Variants in TINAG observed in about 807,000 individuals in gnomAD.
The protein encoded by TINAG is tubulointerstitial nephritis antigen.
In TINAG, 83 loss-of-function variants were observed where a neutral mutation model predicts 72.7. The observed-to-expected ratio is 1.14, with a 90% CI of 0.96 to 1.37. TINAG has a LOEUF of 1.37. TINAG is among the 40% of genes most tolerant of loss of function. The pLI, the probability that TINAG is intolerant of heterozygous loss-of-function variation, is 0.00. For missense variants in TINAG, 685 were observed against 576.6 expected (o/e 1.19, Z -1.93); for synonymous variants, 234 against 189.9 (o/e 1.23, Z -1.91).
chr6:54,359,140 C>T (rs2150965866), intron 9 of TINAG, among the ~76,000 whole-genome samples: 1 of 151,854 alleles, frequency 6.6e-6, no homozygotes, highest in East Asian at 1.9e-4. Context: ...AAAATTCATT[C>T]CATTTTATTG....
In TINAG at chr6:54,347,459, C is replaced by G. The variant is rs771773176; in HGVS notation, c.841C>G (p.Arg281Gly). 5 of 1,613,078 alleles carry G rather than the reference C, an allele frequency of 3.1e-6. No homozygotes were observed. Among genetic ancestry groups the G allele is most frequent in the Non-Finnish European group, 4.2e-6 (5 of 1,179,546 alleles). Residue 281 changes from arginine (R) to glycine (G), a missense_variant, in exon 6 of 11, where the codon CGT becomes GGT. Transcript: ENST00000259782. ...TTTGATCTCTTGCTGTGCCAAGAAC[C>G]GTCATGGATGCAATAGTGGAAGCAT... Reference protein sequence around the residue: ...QNLISCCAKNRHGCNSGSIDR... With the variant: ...QNLISCCAKNGHGCNSGSIDR...
intron 9 of TINAG, among the ~76,000 whole-genome samples, chr6:54,374,565 A>T (rs1297605184): frequency 6.6e-6 from 1 of 152,124 alleles, no homozygotes; most frequent in Non-Finnish European, 1.5e-5. Context: ...TCTCAGGTAG[A>T]ACATGTATAA....
intron 4 of TINAG, among the ~76,000 whole-genome samples, chr6:54,331,169 G>A (rs1448995775): frequency 2.0e-5 from 3 of 152,092 alleles, no homozygotes; most frequent in Non-Finnish European, 4.4e-5. Context: ...AAAAATTTCA[G>A]GGCAATATCC....
chr6:54,358,489 GT>G (rs1763126707), intron 9 of TINAG, among the ~76,000 whole-genome samples: 1 of 145,402 alleles, frequency 6.9e-6, no homozygotes, highest in Non-Finnish European at 1.5e-5. Flanking sequence ...GTCTGCACTA[GT>G]TTTCCTTTGC....
intron 10 of TINAG, among the ~76,000 whole-genome samples, chr6:54,381,088 A>G (rs1316482072): frequency 6.7e-6 from 1 of 148,780 alleles, no homozygotes; most frequent in Admixed American, 6.7e-5. Flanking sequence ...CCTATAGGAT[A>G]TAACCGATAG....
chr6:54,334,717 T>C (rs1784819726), intron 4 of TINAG, among the ~76,000 whole-genome samples: 2 of 152,178 alleles, frequency 1.3e-5, no homozygotes, highest in African/African-American at 4.8e-5. Context: ...AGTTCCTGAA[T>C]TGGCCAATGC....
chr6:54,324,251 C>G (rs1044673083), intron 3 of TINAG, among the ~76,000 whole-genome samples: 1 of 152,148 alleles, frequency 6.6e-6, no homozygotes, highest in African/African-American at 2.4e-5. Context: ...TTTTGCTGCT[C>G]TCTTTTGGAA....
chr6:54,308,843 A>G lies in TINAG; in HGVS notation c.293A>G (p.Tyr98Cys), dbSNP rs745936450. Residue 98 changes from tyrosine (Y) to cysteine (C), a missense_variant, in exon 1 of 11, where the codon TAC (tyrosine) becomes TGC (cysteine). Coordinates refer to ENST00000259782, the MANE Select transcript of TINAG (RefSeq NM_014464.4). ...GAAAATTCTGATTGCTGTCCTGACT[A>G]CAAGTCCTTTTGCCGTGAAGAGAAA... ...DRENSDCCPD[Y>C]KSFCREEKEW... 1.9e-6 allele frequency: 3 copies of G among 1,613,774 alleles called. No homozygotes were observed. The highest frequency in any genetic ancestry group is 2.5e-6 in the Non-Finnish European group (3 of 1,179,870).
intron 1 of TINAG, among the ~76,000 whole-genome samples, chr6:54,312,789 G>C (rs565214395): frequency 2.9e-4 from 44 of 152,254 alleles, no homozygotes; most frequent in African/African-American, 8.4e-4. Flanking sequence ...ACAATTCTGC[G>C]TGCAAGGTCT....
Position 54,324,417 on chromosome 6 carries a change from G to T in TINAG, c.510-2385G>T, listed in dbSNP as rs149533389. Among the ~76,000 whole-genome samples, 180 of 152,284 alleles carry T rather than the reference G, an allele frequency of 1.2e-3. 1 individual carries two copies. The highest frequency in any genetic ancestry group is 3.9e-3 in the African/African-American group (161 of 41,566). On this transcript the variant is annotated intron_variant, in intron 3 of 10. Coordinates refer to ENST00000259782, the MANE Select transcript of TINAG (RefSeq NM_014464.4). The stretch of plus-strand genomic sequence containing the variant: ...TAATTATTATTCTAATGGGGCATAC[G>T]TGGAAGTTGCCCCAGTCCTCCCTTA...
chr6:54,389,994 A>G lies in TINAG; in HGVS notation c.*69A>G, dbSNP rs985246348. The G allele has an allele frequency of 5.7e-6, 9 of 1,566,204 alleles. No individual in the cohort carries two copies. The highest frequency in any genetic ancestry group is 6.0e-6 in the Non-Finnish European group (7 of 1,158,392). On this transcript the variant is annotated 3_prime_UTR_variant, in exon 11 of 11. Transcript: ENST00000259782. ...CTAAATTGAAGTTTAGCAATATGAC[A>G]TTCTTGGTGACAGTGGAATCTTTGT...
chr6:54,360,841 G>GTTTTTTTTTTTTTTTTTTTTT lies in TINAG; in HGVS notation c.1250+6216_1250+6236dup, dbSNP rs70983415. On this transcript the variant is annotated intron_variant, in intron 9 of 10. Transcript: ENST00000259782. ...GTTTCTTGTGTTTCACAGATACTGT[G>GTTTTTTTTTTTTTTTTTTTTT]TTTTTTTTTTTTTTTTTTTTTTTTT... Among the ~76,000 whole-genome samples the GTTTTTTTTTTTTTTTTTTTTT allele has an allele frequency of 1.2e-3, 32 of 26,254 alleles. 11 individuals are homozygous for GTTTTTTTTTTTTTTTTTTTTT. Among genetic ancestry groups the GTTTTTTTTTTTTTTTTTTTTT allele is most frequent in the Non-Finnish European group, 1.8e-3 (21 of 11,786 alleles). The allele number at this position is 26,254 out of a possible 152,430, so 17.2% of individuals were successfully genotyped here.
chr6:54,312,282 C>T (rs1784276563), intron 1 of TINAG, among the ~76,000 whole-genome samples: 1 of 152,014 alleles, frequency 6.6e-6, no homozygotes, highest in Non-Finnish European at 1.5e-5. Flanking sequence ...CTGTTTCAAA[C>T]TTCAGAGCTC....
Position 54,349,708 on chromosome 6 carries a change from C to G in TINAG, c.900-8C>G. ...TATTACCTTTGCTTCTTTGCTTATTCCTCATAGACTGGTATCCCACGCATG... is the reference window on the plus strand; with the variant it reads ...TATTACCTTTGCTTCTTTGCTTATTGCTCATAGACTGGTATCCCACGCATG... On this transcript the variant is annotated splice_polypyrimidine_tract_variant and splice_region_variant and intron_variant, in intron 6 of 10. Transcript: ENST00000259782. 1.3e-6 allele frequency: 2 copies of G among 1,537,716 alleles called. No homozygotes were observed. The highest frequency in any genetic ancestry group is 1.8e-6 in the Non-Finnish European group (2 of 1,134,916).
At chr6:54,313,355 A>C (rs1229873222) in intron 1 of TINAG, among the ~76,000 whole-genome samples, 6 of 152,138 alleles carry the variant, frequency 3.9e-5, no homozygotes, top group Admixed American at 3.9e-4. Flanking sequence ...TTGGGCAGAC[A>C]AGGGAAATTC....
chr6:54,351,230 A>G, intron 7 of TINAG, 122 bp from the exon 8 acceptor site: 1 of 744,584 alleles, frequency 1.3e-6, no homozygotes, highest in Non-Finnish European at 2.2e-6. Flanking sequence ...GTAGCATAAT[A>G]TACGTGAGTT....
At chr6:54,326,778 A>G in intron 3 of TINAG, 24 bp from the exon 4 acceptor site, 4 of 1,542,164 alleles carry the variant, frequency 2.6e-6, no homozygotes, top group Non-Finnish European at 2.6e-6. Flanking sequence ...ATTTTTCTAT[A>G]TTTTTCTCTC....
chr6:54,358,534 C>CAAAAAA (rs34091915), intron 9 of TINAG, among the ~76,000 whole-genome samples: 1 of 112,944 alleles, frequency 8.9e-6, no homozygotes. Flanking sequence ...AGTTATTCGT[C>CAAAAAA]AAAAAAAAAA....
At chr6:54,377,092 G>C (rs997072292) in intron 9 of TINAG, among the ~76,000 whole-genome samples, 1 of 151,966 alleles carries the variant, frequency 6.6e-6, no homozygotes, top group Non-Finnish European at 1.5e-5. Context: ...TAATGAAGTA[G>C]AAACAATTTA....
Sources: gnomAD v4.1 joint callset for allele counts (sites outside exome capture counted in the v4.1 genomes callset) on GRCh38, gnomAD v4.1.1 for gene constraint, MANE v1.5 for transcripts, NCBI Gene and HGNC (gene_info 2026-07-23, HGNC 2026-07-21) for gene names.